SIN3A: variants seen among roughly 807,000 people sequenced by gnomAD.
SIN3A encodes SIN3 transcription regulator family member A, also known as paired amphipathic helix protein Sin3a.
Under a neutral mutation model 146.1 loss-of-function variants are expected in SIN3A, and 14 were observed. The ratio of observed to expected loss-of-function variants is 0.10; its 90% CI spans 0.06 to 0.15. SIN3A has a LOEUF of 0.15. Ranked by LOEUF, SIN3A falls within the 10% of genes least tolerant of loss-of-function variation. The pLI, the probability that SIN3A is intolerant of heterozygous loss-of-function variation, is 1.00. For missense variants in SIN3A, 1,028 were observed against 1,576.0 expected (o/e 0.65, Z 5.89); for synonymous variants, 572 against 572.0 (o/e 1.00, Z 0.00).
chr15:75,417,524 ATG>A (rs2073763130), intron 3 of SIN3A, among the ~76,000 whole-genome samples: 1 of 151,644 alleles, frequency 6.6e-6, no homozygotes, highest in Non-Finnish European at 1.5e-5. Context: ...TTCCAGGCGC[ATG>A]TCACCACATC....
At chr15:75,412,538 G>C (rs2073660053) in intron 5 of SIN3A, among the ~76,000 whole-genome samples, 1 of 152,176 alleles carries the variant, frequency 6.6e-6, no homozygotes, top group Admixed American at 6.6e-5. Flanking sequence ...ACTGTAAAAA[G>C]AAAGACCTTG....
intron 3 of SIN3A, among the ~76,000 whole-genome samples, chr15:75,417,999 C>A (rs79974664): frequency 6.6e-6 from 1 of 151,918 alleles, no homozygotes; most frequent in African/African-American, 2.4e-5. Flanking sequence ...CCAACTGGCA[C>A]CTGGATTTTA....
intron 3 of SIN3A, chr15:75,419,668 A>T (rs2073806825): frequency 6.6e-6 from 1 of 151,892 alleles, no homozygotes; most frequent in Admixed American, 6.6e-5. Flanking sequence ...AAAAAAAAAA[A>T]AAATACAAAA....
chr15:75,427,697 T>C (rs962981608), intron 2 of SIN3A, among the ~76,000 whole-genome samples: 1 of 149,626 alleles, frequency 6.7e-6, no homozygotes, highest in Non-Finnish European at 1.5e-5. Flanking sequence ...AGGCTAGGCG[T>C]GGTGGCTCAC....
In SIN3A at chr15:75,392,121, G is replaced by A. The variant is rs78798778; in HGVS notation, c.2851+121C>T. 1,492 of 916,222 alleles carry A rather than the reference G, an allele frequency of 1.6e-3. 3 individuals carry two copies. The highest frequency in any genetic ancestry group is 2.1e-3 in the Non-Finnish European group (1,291 of 601,040). The allele number at this position is 916,222 out of a possible 1,614,324, so 56.8% of individuals were successfully genotyped here. A position where few individuals can be genotyped will look rare whatever the true frequency, so the allele number is the denominator to read the frequency against. On this transcript the variant is annotated intron_variant, in intron 15 of 20. Transcript: ENST00000394947. Reference sequence around the variant, plus strand: ...TTTTTCAGATAAACAGGTTCAGAGAGTTTAACTACACAGACTCTAATGCCT... The same window carrying A: ...TTTTTCAGATAAACAGGTTCAGAGAATTTAACTACACAGACTCTAATGCCT...
intron 20 of SIN3A, among the ~76,000 whole-genome samples, chr15:75,374,115 A>G (rs2072809350): frequency 6.6e-6 from 1 of 152,206 alleles, no homozygotes; most frequent in Non-Finnish European, 1.5e-5. Context: ...AAAAAACCCC[A>G]AAACTAATCA....
rs2073666125 is a variant in SIN3A, at chr15:75,412,814, G to A, written c.705C>T (p.Ala235=). ...GAGGAGCTGGCTGGGCAGGAGCTGG[G>A]GCTGACTGGGCTGAAGGCTGGGAAG... is the stretch of plus-strand genomic sequence containing the variant. ...QHPSQPSAQS[A]PAPAQPAPQP... The change falls in exon 5 of 21, where the codon GCC becomes GCT. Residue 235 remains alanine, a synonymous_variant. Coordinates refer to ENST00000394947, the MANE Select transcript of SIN3A (RefSeq NM_001145358.2). The A allele has an allele frequency of 1.2e-6, 2 of 1,609,046 alleles. No individual in the cohort carries two copies. The highest frequency in any genetic ancestry group is 2.2e-5 in the South Asian group (2 of 90,650).
chr15:75,375,949 T>G, intron 19 of SIN3A, 77 bp from the exon 20 acceptor site: 3 of 1,406,968 alleles, frequency 2.1e-6, no homozygotes, highest in Non-Finnish European at 3.0e-6. Context: ...TGAGTTTTCT[T>G]TATTATATGC....
chr15:75,416,959 T>C (rs973408692), intron 3 of SIN3A, among the ~76,000 whole-genome samples: 1 of 152,158 alleles, frequency 6.6e-6, no homozygotes, highest in Non-Finnish European at 1.5e-5. Flanking sequence ...ACATGCTAAA[T>C]GTGAAGTGTC....
At chr15:75,400,539 C>T (rs928245157) in intron 11 of SIN3A, among the ~76,000 whole-genome samples, 191 bp downstream of exon 11, 2 of 152,162 alleles carry the variant, frequency 1.3e-5, no homozygotes, top group Non-Finnish European at 2.9e-5. Context: ...CATCACTGCA[C>T]TACAGCCTGG....
chr15:75,370,594 A>G lies in SIN3A; in HGVS notation c.*1385T>C, dbSNP rs1595882848. ...CAACTCCATTTATAAGGTATACCAC[A>G]TGCCTTATGCACACTTTTTTTTCAA... On this transcript the variant is annotated 3_prime_UTR_variant, in exon 21 of 21. Coordinates refer to ENST00000394947, the MANE Select transcript of SIN3A (RefSeq NM_001145358.2). The G allele has an allele frequency of 1.3e-5, 2 of 152,342 alleles. No individual in the cohort carries two copies. The highest frequency in any genetic ancestry group is 3.9e-4 in the East Asian group (2 of 5,194). The allele number at this position is 152,342 out of a possible 1,614,324, so 9.4% of individuals were successfully genotyped here. A position where few individuals can be genotyped will look rare whatever the true frequency, so the allele number is the denominator to read the frequency against.
chr15:75,422,636 C>T lies in SIN3A; in HGVS notation c.366+11G>A. 6.2e-7 allele frequency: 1 copy of T among 1,614,208 alleles called. No homozygotes were observed. The highest frequency in any genetic ancestry group is 8.5e-7 in the Non-Finnish European group (1 of 1,180,018). On this transcript the variant is annotated intron_variant, in intron 3 of 20. Coordinates refer to ENST00000394947, the MANE Select transcript of SIN3A (RefSeq NM_001145358.2). ...AAATTTTTTGACCCAAGAAAAAGAG[C>T]TGAATACCACCTTCAGCCTCTGAAA...
intron 15 of SIN3A, among the ~76,000 whole-genome samples, chr15:75,391,771 T>C (rs1022560361): frequency 6.6e-6 from 1 of 152,200 alleles, no homozygotes; most frequent in Non-Finnish European, 1.5e-5. Flanking sequence ...CCAGTCTCCT[T>C]TCCATAAACT....
At chr15:75,439,033 A>T (rs1381730524) in intron 1 of SIN3A, among the ~76,000 whole-genome samples, 2 of 152,186 alleles carry the variant, frequency 1.3e-5, no homozygotes, top group Non-Finnish European at 2.9e-5. Context: ...TCTTCTCAAA[A>T]GACACCATTA....
At chr15:75,383,853 T>C (rs1411600597) in intron 17 of SIN3A, among the ~76,000 whole-genome samples, 1 of 152,126 alleles carries the variant, frequency 6.6e-6, no homozygotes, top group Non-Finnish European at 1.5e-5. Flanking sequence ...TGGTCTCAAG[T>C]GATCCGCCCA....
At chr15:75,386,875 G>A (rs1444880967) in intron 16 of SIN3A, among the ~76,000 whole-genome samples, 4 of 152,124 alleles carry the variant, frequency 2.6e-5, no homozygotes, top group African/African-American at 4.8e-5. Context: ...GTGCAATCAC[G>A]GCTCACTGCA....
chr15:75,422,358 A>G, intron 3 of SIN3A: 1 of 600,270 alleles, frequency 1.7e-6, no homozygotes, highest in Non-Finnish European at 3.0e-6. Flanking sequence ...GCAGCCAAAA[A>G]ATGAATTTTA....
chr15:75,402,567 T>C (rs886693074), intron 9 of SIN3A, among the ~76,000 whole-genome samples: 19 of 152,266 alleles, frequency 1.2e-4, no homozygotes, highest in African/African-American at 4.6e-4. Context: ...TGATATTTGA[T>C]GACACTAAGG....
At chr15:75,383,071 T>A (rs1316852223) in intron 17 of SIN3A, among the ~76,000 whole-genome samples, 1 of 149,756 alleles carries the variant, frequency 6.7e-6, no homozygotes, top group African/African-American at 2.5e-5. Context: ...CTGGACAACC[T>A]GGACAACCTG....
Sources: gnomAD v4.1 joint callset for allele counts (sites outside exome capture counted in the v4.1 genomes callset) on GRCh38, gnomAD v4.1.1 for gene constraint, MANE v1.5 for transcripts, NCBI Gene and HGNC (gene_info 2026-07-23, HGNC 2026-07-21) for gene names.